The following ZFHX2 variants were observed in gnomAD, a reference collection of about 807,000 sequenced individuals.
ZFHX2 encodes zinc finger homeobox protein 2.
In ZFHX2, 75 loss-of-function variants were observed where a neutral mutation model predicts 164.8. The ratio of observed to expected loss-of-function variants is 0.46; its 90% CI spans 0.38 to 0.55. The LOEUF is 0.55. ZFHX2 is among the 20% of genes least tolerant of loss of function. ZFHX2 has a pLI of 0.00. For synonymous variants in ZFHX2, 1,217 were observed against 1,351.4 expected (o/e 0.90, Z 2.18); for missense variants, 2,933 against 3,308.0 (o/e 0.89, Z 2.78).
Position 23,525,198 on chromosome 14 carries a change from T to C in ZFHX2, c.4744A>G (p.Ser1582Gly), listed in dbSNP as rs866714508. The part of the protein sequence containing the change: ...GGHWPIEEEE[S>G]SRGNLPPLVP... ...AGGGGAGGAAGATTCCCTCTGGAGC[T>C]TTCTTCCTCTTCTATGGGCCAGTGT... Residue 1582 changes from serine (S) to glycine (G), a missense_variant, in exon 9 of 10, where the codon AGC becomes GGC. Coordinates refer to ENST00000419474, the MANE Select transcript of ZFHX2 (RefSeq NM_033400.3). The surrounding 1 kb of genome is among the most constrained non-coding windows in gnomAD (Gnocchi z 5.9). The C allele has an allele frequency of 3.3e-6, 5 of 1,536,118 alleles. No individual in the cohort carries two copies. The Admixed American group carries it at 9.8e-5, about 30-fold the overall frequency.
At chr14:23,531,348 T>G in intron 4 of ZFHX2, 133 bp downstream of exon 4, 1 of 1,255,460 alleles carries the variant, frequency 8.0e-7, no homozygotes, top group South Asian at 2.7e-5. Context: ...CTTCGCAGCT[T>G]CTTCCCATTT....
chr14:23,548,079 C>G (rs1881574491), intron 1 of ZFHX2, among the ~76,000 whole-genome samples: 1 of 152,212 alleles, frequency 6.6e-6, no homozygotes, highest in South Asian at 2.1e-4. Context: ...CCTCTGCATT[C>G]TAGCTTTAGT....
At chr14:23,540,894 C>T (rs1485051565) in intron 1 of ZFHX2, among the ~76,000 whole-genome samples, 2 of 151,922 alleles carry the variant, frequency 1.3e-5, no homozygotes, top group Non-Finnish European at 2.9e-5. Context: ...TTCTGTTCAC[C>T]CCTTTTTCTT....
In ZFHX2 at chr14:23,534,961, G is replaced by T; in HGVS notation, c.365C>A (p.Ala122Asp). The T allele has an allele frequency of 6.5e-7, 1 of 1,536,174 alleles. No homozygotes were observed. The highest frequency in any genetic ancestry group is 8.7e-7 in the Non-Finnish European group (1 of 1,146,914). ...NHLFFTAGGE[A>D]YLVAKLSLPG... ...CAGGGACAGCTTGGCCACTAGGTAG[G>T]CCTCACCTCCAGCTGTGAAGAATAA... The change falls in exon 2 of 10, where the codon GCC becomes GAC. Residue 122 changes from alanine (A) to aspartate (D), a missense_variant. By Grantham distance (126) the Ala-to-Asp change is moderately radical. Transcript: ENST00000419474. This position sits in a 1 kb window ranked among gnomAD's most constrained non-coding sequence, Gnocchi z 4.5.
chr14:23,525,255 G>A lies in ZFHX2; in HGVS notation c.4687C>T (p.Arg1563Cys), dbSNP rs897691453. The part of the protein sequence containing the change: ...LVPEPEAGGT[R>C]APEERSRAGG... ...GCTCGACTTCGCTCTTCAGGGGCAC[G>A]GGTCCCCCCTGCCTCAGGCTCTGGG... Residue 1563 changes from arginine (R) to cysteine (C), a missense_variant, in exon 9 of 10, where the codon CGT becomes TGT. Physicochemically the swap from Arg to Cys is radical, Grantham distance 180. Coordinates refer to ENST00000419474, the MANE Select transcript of ZFHX2 (RefSeq NM_033400.3). This position sits in a 1 kb window ranked among gnomAD's most constrained non-coding sequence, Gnocchi z 5.9. The A allele has an allele frequency of 9.1e-6, 14 of 1,535,950 alleles. No homozygotes were observed. Among genetic ancestry groups the A allele is most frequent in the South Asian group, 7.1e-5 (6 of 84,058 alleles).
At chr14:23,551,809 A>C (rs1024797618), upstream of ZFHX2, among the ~76,000 whole-genome samples, 1 of 152,106 alleles carries the variant, frequency 6.6e-6, no homozygotes, top group South Asian at 2.1e-4. This position sits in a 1 kb window ranked among gnomAD's most constrained non-coding sequence, Gnocchi z 5.3. Context: ...GAGCAGGTGC[A>C]GCGACCCGCC....
rs1426345200 is a variant in ZFHX2 at position 23,521,330 on chromosome 14, T to C, written c.*632A>G. The C allele has an allele frequency of 1.3e-5, 2 of 152,588 alleles. No individual in the cohort carries two copies. The highest frequency in any genetic ancestry group is 2.9e-5 in the Non-Finnish European group (2 of 68,366). The allele number at this position is 152,588 out of a possible 1,614,324, so 9.5% of individuals were successfully genotyped here. A position where few individuals can be genotyped will look rare whatever the true frequency, so the allele number is the denominator to read the frequency against. The stretch of plus-strand genomic sequence containing the variant: ...AGCCTCCAGTTTGGTTAGAGTTTTG[T>C]GGGCTCCCTGCCCATGCCAGGCTCC... On this transcript the variant is annotated 3_prime_UTR_variant, in exon 10 of 10. Transcript: ENST00000419474.
At position 23,526,104 on chromosome 14, in the gene ZFHX2, T is replaced by C. The variant is rs1007364061; in HGVS notation, c.3838A>G (p.Lys1280Glu). ...GGCCCTTCAATCTTGGAATCAGTCT[T>C]GGTTCCCCGAGAGCGAGTCTGATGC... is the stretch of plus-strand genomic sequence containing the variant. ...VLHQTRSRGT[K>E]TDSKIEGPER... The change falls in exon 9 of 10, where the codon AAG becomes GAG. Residue 1280 changes from lysine to glutamate, a missense_variant. Transcript: ENST00000419474. The C allele has an allele frequency of 1.3e-6, 2 of 1,536,358 alleles. No homozygotes were observed. The highest frequency in any genetic ancestry group is 1.4e-5 in the African/African-American group (1 of 73,012).
At position 23,535,033 on chromosome 14, in the gene ZFHX2, T is replaced by C; in HGVS notation, c.293A>G (p.Gln98Arg). The C allele has an allele frequency of 6.5e-7, 1 of 1,536,228 alleles. No individual in the cohort carries two copies. Among genetic ancestry groups the C allele is most frequent in the South Asian group, 1.2e-5 (1 of 84,062 alleles). Reference protein sequence around the residue: ...NDPGVEKDKEQEEEEEGLPPM... With the variant: ...NDPGVEKDKEREEEEEGLPPM... ...AGGGAGCCCTTCTTCTTCCTCCTCC[T>C]GCTCCTTGTCCTTTTCCACCCCTGG... Residue 98 changes from glutamine to arginine, a missense_variant, in exon 2 of 10, where the codon CAG becomes CGG. Transcript: ENST00000419474. This position sits in a 1 kb window ranked among gnomAD's most constrained non-coding sequence, Gnocchi z 4.5.
In ZFHX2 at chr14:23,523,862, G is replaced by T. The variant is rs1429273611; in HGVS notation, c.6080C>A (p.Ala2027Glu). 7 of 1,536,098 alleles carry T rather than the reference G, an allele frequency of 4.6e-6. No individual in the cohort carries two copies. Among genetic ancestry groups the T allele is most frequent in the Non-Finnish European group, 6.1e-6 (7 of 1,146,934 alleles). The change falls in exon 9 of 10, where the codon GCA (alanine) becomes GAA (glutamate). Residue 2027 changes from alanine (A) to glutamate (E), a missense_variant. Transcript: ENST00000419474. The surrounding 1 kb of genome is among the most constrained non-coding windows in gnomAD (Gnocchi z 4.1). ...AGCAGATGAATCACTCAGATCTCCT[G>T]CAGAGAGACTGCAAGCCTCACTCTC... ...SPESEACSLSAGDLSDSSASS... is the reference protein window; with the variant it reads ...SPESEACSLSEGDLSDSSASS...
rs1880020908 is a variant in ZFHX2, at chr14:23,535,299, G to A, written c.27C>T (p.Thr9=). 1 of 1,470,426 alleles carries A rather than the reference G, an allele frequency of 6.8e-7. No individual in the cohort carries two copies. Among genetic ancestry groups the A allele is most frequent in the Non-Finnish European group, 9.0e-7 (1 of 1,111,084 alleles). 91.1% of individuals were successfully genotyped at this position (1,470,426 alleles called of 1,614,324 possible). ...GCCCAGGGGAGGGGGTGGTACCAGT[G>A]GTAGAGGCTGAGTTAAGGGTGGCCA... MATLNSAS[T]TGTTPSPGHN... The change falls in exon 2 of 10, where the codon ACC becomes ACT. Residue 9 remains threonine (T), a synonymous_variant. Coordinates refer to ENST00000419474, the MANE Select transcript of ZFHX2 (RefSeq NM_033400.3). This position sits in a 1 kb window ranked among gnomAD's most constrained non-coding sequence, Gnocchi z 4.5.
rs1355902332 is a variant in ZFHX2 at position 23,531,645 on chromosome 14, G to A, written c.2636C>T (p.Thr879Ile). ...LYHCLLCAWE[T>I]PSRLAVLQHL... Reference sequence around the variant, plus strand: ...TTGCAGCACAGCCAAGCGGGAGGGTGTCTCCCACGCACACAACAGGCAGTG... The same window carrying A: ...TTGCAGCACAGCCAAGCGGGAGGGTATCTCCCACGCACACAACAGGCAGTG... Residue 879 changes from threonine (T) to isoleucine (I), a missense_variant, in exon 4 of 10, where the codon ACA becomes ATA. Physicochemically the swap from Thr to Ile is moderately conservative, Grantham distance 89. Transcript: ENST00000419474. The A allele has an allele frequency of 9.4e-5, 143 of 1,515,894 alleles. No homozygotes were observed. The highest frequency in any genetic ancestry group is 1.2e-4 in the Non-Finnish European group (141 of 1,134,608). 93.9% of individuals were successfully genotyped at this position (1,515,894 alleles called of 1,614,324 possible). A position where few individuals can be genotyped will look rare whatever the true frequency, so the allele number is the denominator to read the frequency against.
chr14:23,531,934 C>A, intron 3 of ZFHX2: 2 of 516,486 alleles, frequency 3.9e-6, no homozygotes, highest in Non-Finnish European at 5.8e-6. Context: ...GCGCACCACA[C>A]CTGGCTAATT....
chr14:23,525,765 T>A lies in ZFHX2; in HGVS notation c.4177A>T (p.Thr1393Ser). ...PAPVLSLPAA[T>S]PPPPPQPPKA... Reference sequence around the variant, plus strand: ...GGAGGTTGGGGTGGAGGAGGAGGGGTGGCAGCTGGCAGGGACAGCACAGGT... The same window carrying A: ...GGAGGTTGGGGTGGAGGAGGAGGGGAGGCAGCTGGCAGGGACAGCACAGGT... The change falls in exon 9 of 10, where the codon ACC becomes TCC. Residue 1393 changes from threonine (T) to serine (S), a missense_variant. By Grantham distance (58) the Thr-to-Ser change is moderately conservative. Coordinates refer to ENST00000419474, the MANE Select transcript of ZFHX2 (RefSeq NM_033400.3). The surrounding 1 kb of genome is among the most constrained non-coding windows in gnomAD (Gnocchi z 5.9). 1.3e-6 allele frequency: 2 copies of A among 1,503,256 alleles called. No individual in the cohort carries two copies. Among genetic ancestry groups the A allele is most frequent in the Non-Finnish European group, 8.8e-7 (1 of 1,130,042 alleles). 93.1% of individuals were successfully genotyped at this position (1,503,256 alleles called of 1,614,324 possible).
Position 23,532,637 on chromosome 14 carries a change from G to A in ZFHX2, c.2489C>T (p.Ser830Phe), listed in dbSNP as rs2138776356. 2 of 1,470,374 alleles carry A rather than the reference G, an allele frequency of 1.4e-6. No individual in the cohort carries two copies. Among genetic ancestry groups the A allele is most frequent in the East Asian group, 5.0e-5 (2 of 40,276 alleles). 91.1% of individuals were successfully genotyped at this position (1,470,374 alleles called of 1,614,324 possible). A position where few individuals can be genotyped will look rare whatever the true frequency, so the allele number is the denominator to read the frequency against. ...HLRCNICDFESNSKEKMQLHA... is the reference protein window; with the variant it reads ...HLRCNICDFEFNSKEKMQLHA... ...CAGCTGCATCTTCTCCTTGCTGTTG[G>A]ACTCAAAGTCACAGATGTTGCAGCG... Residue 830 changes from serine (S) to phenylalanine (F), a missense_variant, in exon 3 of 10, where the codon TCC (serine) becomes TTC (phenylalanine). Physicochemically the swap from Ser to Phe is radical, Grantham distance 155. Coordinates refer to ENST00000419474, the MANE Select transcript of ZFHX2 (RefSeq NM_033400.3).
chr14:23,525,292 T>C lies in ZFHX2; in HGVS notation c.4650A>G (p.Pro1550=), dbSNP rs1323740701. The change falls in exon 9 of 10, where the codon CCA becomes CCG. Residue 1550 remains proline (P), a synonymous_variant. Transcript: ENST00000419474. This position sits in a 1 kb window ranked among gnomAD's most constrained non-coding sequence, Gnocchi z 5.9. ...SLDSPVPHLG[P]PFLVPEPEAG... The stretch of plus-strand genomic sequence containing the variant: ...CCTCAGGCTCTGGGACCAGGAAGGG[T>C]GGGCCCAGATGGGGAACAGGTGAAT... 6.5e-7 allele frequency: 1 copy of C among 1,535,316 alleles called. No homozygotes were observed.
upstream of ZFHX2, among the ~76,000 whole-genome samples, chr14:23,555,378 C>T (rs997369956): frequency 6.6e-6 from 1 of 152,212 alleles, no homozygotes; most frequent in African/African-American, 2.4e-5. Flanking sequence ...TGACAAACTC[C>T]TCAGTCTAGC....
At position 23,545,724 on chromosome 14, in the gene ZFHX2, C is replaced by A. The variant is rs375013668; in HGVS notation, c.-50+5619G>T. On this transcript the variant is annotated intron_variant, in intron 1 of 9. Transcript: ENST00000419474. ...CCAAGCAGACCACTGATACAGAACACAGAGATGGCTGGGGGGAAATGCAGA... is the reference window on the plus strand; with the variant it reads ...CCAAGCAGACCACTGATACAGAACAAAGAGATGGCTGGGGGGAAATGCAGA... Among the ~76,000 whole-genome samples, 5 of 152,244 alleles carry A rather than the reference C, an allele frequency of 3.3e-5. No homozygotes were observed. In the East Asian group the frequency reaches 7.7e-4, roughly 23 times the overall value.
chr14:23,524,253 T>G lies in ZFHX2; in HGVS notation c.5689A>C (p.Lys1897Gln). 6.5e-7 allele frequency: 1 copy of G among 1,536,412 alleles called. No individual in the cohort carries two copies. The highest frequency in any genetic ancestry group is 8.7e-7 in the Non-Finnish European group (1 of 1,146,972). ...AACCAGACCTGTACCACTCGCTTTT[T>G]GAGCCCCACCTCCTCGGAGATGCAG... ...LDCISEEVGL[K>Q]KRVVQVWFQN... Residue 1897 changes from lysine (K) to glutamine (Q), a missense_variant, in exon 9 of 10, where the codon AAA becomes CAA. Transcript: ENST00000419474. The surrounding 1 kb of genome is among the most constrained non-coding windows in gnomAD (Gnocchi z 5.6).
Sources: gnomAD v4.1 joint callset for allele counts (sites outside exome capture counted in the v4.1 genomes callset) on GRCh38, gnomAD v4.1.1 for gene constraint, Gnocchi (gnomAD v3.1) non-coding constraint, MANE v1.5 for transcripts, NCBI Gene and HGNC (gene_info 2026-07-23, HGNC 2026-07-21) for gene names.